AKAP12: variants seen among roughly 807,000 people sequenced by gnomAD.
AKAP12 encodes the protein A-kinase anchor protein 12.
AKAP12 carries 32 observed loss-of-function variants against 79.9 expected under a neutral mutation model. The observed-to-expected ratio is 0.40, with a 90% confidence interval of 0.30 to 0.54. The LOEUF is 0.54. Ranked by LOEUF, AKAP12 falls within the 20% of genes least tolerant of loss-of-function variation. The probability of loss-of-function intolerance (pLI) is 0.48; values close to 1 mark genes in which losing one functional copy is unlikely to be tolerated. For synonymous variants in AKAP12, 808 were observed against 857.0 expected, an observed-to-expected ratio of 0.94 and a Z score of 1.00; for missense variants, 2,074 against 2,177.0, an observed-to-expected ratio of 0.95 and a Z score of 0.94.
chr6:151,241,200 G>A (rs906618473), intron 2 of AKAP12, among the ~76,000 whole-genome samples: 14 of 152,212 alleles, frequency 9.2e-5, no homozygotes, highest in African/African-American at 3.4e-4. Flanking sequence ...CGGGTTCCCC[G>A]TCGCGTACCG....
At chr6:151,283,722 A>G (rs1193017201) in intron 2 of AKAP12, among the ~76,000 whole-genome samples, 3 of 152,254 alleles carry the variant, frequency 2.0e-5, no homozygotes, top group Non-Finnish European at 4.4e-5. Context: ...GACAGAATTC[A>G]GTATAAAGAC....
intron 3 of AKAP12, among the ~76,000 whole-genome samples, chr6:151,313,062 C>T (rs1354659537): frequency 6.6e-6 from 1 of 152,156 alleles, no homozygotes; most frequent in African/African-American, 2.4e-5. Context: ...AATTCATTTC[C>T]TGCTTAAAGA....
chr6:151,336,911 T>C (rs1251544736), intron 3 of AKAP12, among the ~76,000 whole-genome samples: 3 of 152,180 alleles, frequency 2.0e-5, no homozygotes, highest in Non-Finnish European at 4.4e-5. Flanking sequence ...AAGGACCCGG[T>C]GCTAGTAAGT....
In AKAP12 at chr6:151,352,937, G is replaced by C; in HGVS notation, c.4546G>C (p.Asp1516His). The C allele has an allele frequency of 6.2e-7, 1 of 1,613,180 alleles. No homozygotes were observed. Residue 1516 changes from aspartate to histidine, a missense_variant, in exon 4 of 5, where the codon GAT becomes CAT. Physicochemically the swap from Asp to His is moderately conservative, Grantham distance 81. Transcript: ENST00000402676. ...TSLKWKSDEV[D>H]EQVACQEVKV... Reference sequence around the variant, plus strand: ...ACTGAAGTGGAAGTCAGATGAAGTCGATGAGCAGGTTGCTTGCCAGGAGGT... The same window carrying C: ...ACTGAAGTGGAAGTCAGATGAAGTCCATGAGCAGGTTGCTTGCCAGGAGGT...
intron 2 of AKAP12, 100 bp from the exon 3 acceptor site, chr6:151,305,647 T>C: frequency 8.3e-7 from 1 of 1,210,298 alleles, no homozygotes; most frequent in Non-Finnish European, 1.2e-6. Context: ...TTTCTCTGTA[T>C]TTCTTCTTTC....
At chr6:151,322,181 C>T (rs780229787) in intron 3 of AKAP12, among the ~76,000 whole-genome samples, 2 of 151,922 alleles carry the variant, frequency 1.3e-5, no homozygotes, top group African/African-American at 2.4e-5. Context: ...GTGCTGGGAT[C>T]ACAGGTGTGA....
In AKAP12 at chr6:151,343,995, A is replaced by G. The variant is rs143677885; in HGVS notation, c.320-4716A>G. The G allele has an allele frequency of 1.6e-3, 703 of 433,250 alleles. 4 individuals carry two copies. Among genetic ancestry groups the G allele is most frequent in the African/African-American group, 0.01 (481 of 46,804 alleles). The allele number at this position is 433,250 out of a possible 1,614,324, so 26.8% of individuals were successfully genotyped here. ...AATGTAGAAGTAGTTTAAATCGTCGATGTCTGGACTTTCTCTTTGAATATT... is the reference window on the plus strand; with the variant it reads ...AATGTAGAAGTAGTTTAAATCGTCGGTGTCTGGACTTTCTCTTTGAATATT... On this transcript the variant is annotated intron_variant, in intron 3 of 4. Transcript: ENST00000402676.
intron 3 of AKAP12, among the ~76,000 whole-genome samples, chr6:151,340,377 A>G (rs1369393876): frequency 6.6e-6 from 1 of 152,026 alleles, no homozygotes. Flanking sequence ...CTGTGTGCAG[A>G]TGTTTTGTGT....
intron 3 of AKAP12, among the ~76,000 whole-genome samples, chr6:151,320,244 C>T (rs981714030): frequency 2.5e-4 from 38 of 151,928 alleles, no homozygotes; most frequent in African/African-American, 8.5e-4. Context: ...CTGCCCACTC[C>T]GAGGCCTCTC....
At chr6:151,259,000 ATGTG>A (rs748890652) in intron 2 of AKAP12, among the ~76,000 whole-genome samples, 24 of 150,574 alleles carry the variant, frequency 1.6e-4, no homozygotes, top group Admixed American at 1.3e-4. Flanking sequence ...GTATCTATAT[ATGTG>A]TGTGTGTATA....
Position 151,345,791 on chromosome 6 carries a change from TA to T in AKAP12, c.320-2906del, listed in dbSNP as rs543919392. ...TGGGTGACAGAGTGAGACTCTGTCT[TA>T]AAAAAAAAAAAAAGAAAAGAAAAAA... On this transcript the variant is annotated intron_variant, in intron 3 of 4. Coordinates refer to ENST00000402676, the MANE Select transcript of AKAP12 (RefSeq NM_005100.4). Among the ~76,000 whole-genome samples, 954 of 128,692 alleles carry T rather than the reference TA, an allele frequency of 7.4e-3. 13 individuals are homozygous for T. In the East Asian group the frequency reaches 0.079, roughly 11 times the overall value. The allele number at this position is 128,692 out of a possible 152,430, so 84.4% of individuals were successfully genotyped here.
chr6:151,269,541 GCATTGTAGTTC>G (rs144135316), intron 2 of AKAP12, among the ~76,000 whole-genome samples: 8,808 of 152,174 alleles, frequency 0.058, 309 homozygotes, highest in African/African-American at 0.094. Flanking sequence ...AACTCAAGAG[GCATTGTAGTTC>G]CATTGTAGTT....
chr6:151,333,033 A>G (rs1227039867), intron 3 of AKAP12, among the ~76,000 whole-genome samples: 2 of 152,236 alleles, frequency 1.3e-5, no homozygotes, highest in African/African-American at 4.8e-5. Context: ...AGGGGCACCA[A>G]AAAGTACATC....
At chr6:151,289,217 A>ACAC (rs1776565854) in intron 2 of AKAP12, among the ~76,000 whole-genome samples, 1 of 152,172 alleles carries the variant, frequency 6.6e-6, no homozygotes, top group Non-Finnish European at 1.5e-5. Context: ...GACAGAACCA[A>ACAC]CACCAGCCAG....
chr6:151,344,953 A>G (rs1259521764), intron 3 of AKAP12, among the ~76,000 whole-genome samples: 1 of 152,244 alleles, frequency 6.6e-6, no homozygotes, highest in African/African-American at 2.4e-5. Flanking sequence ...AATTGTTTTC[A>G]GAGTAATAAG....
chr6:151,353,099 G>T lies in AKAP12; in HGVS notation c.4708G>T (p.Glu1570Ter), dbSNP rs1432203514. 1 of 1,614,072 alleles carries T rather than the reference G, an allele frequency of 6.2e-7. No homozygotes were observed. Residue 1570 changes from glutamate (E) to a stop codon, truncating the protein, a stop_gained, in exon 4 of 5, where the codon GAA becomes TAA. Coordinates refer to ENST00000402676, the MANE Select transcript of AKAP12 (RefSeq NM_005100.4). LOFTEE classifies it low-confidence loss of function (END_TRUNC). Reference protein sequence around the residue: ...QFVRTEETATEMLTSELQTQA... With the variant: ...QFVRTEETAT ...TGTACGTACAGAAGAAACAGCCACCGAAATGTTGACGTCTGAGTTACAGAC... is the reference window on the plus strand; with the variant it reads ...TGTACGTACAGAAGAAACAGCCACCTAAATGTTGACGTCTGAGTTACAGAC...
intron 2 of AKAP12, among the ~76,000 whole-genome samples, chr6:151,289,002 T>C (rs1396721450): frequency 6.6e-6 from 1 of 152,258 alleles, no homozygotes; most frequent in Non-Finnish European, 1.5e-5. Context: ...GTAAGATCAC[T>C]TATTCAAGCC....
Position 151,346,873 on chromosome 6 carries a change from A to T in AKAP12, c.320-1838A>T, listed in dbSNP as rs143839423. Among the ~76,000 whole-genome samples the T allele has an allele frequency of 1.9e-3, 287 of 152,288 alleles. 1 individual carries two copies. Among genetic ancestry groups the T allele is most frequent in the African/African-American group, 6.7e-3 (278 of 41,564 alleles). On this transcript the variant is annotated intron_variant, in intron 3 of 4. Coordinates refer to ENST00000402676, the MANE Select transcript of AKAP12 (RefSeq NM_005100.4). Reference sequence around the variant, plus strand: ...GACTTTGAGGATCAAAGTGGAAGTTATATCTATATTTATTGACATTTCTTT... The same window carrying T: ...GACTTTGAGGATCAAAGTGGAAGTTTTATCTATATTTATTGACATTTCTTT...
intron 3 of AKAP12, among the ~76,000 whole-genome samples, chr6:151,339,762 C>A (rs558282683): frequency 6.6e-6 from 1 of 152,284 alleles, no homozygotes; most frequent in South Asian, 2.1e-4. Flanking sequence ...CCCCCAACCC[C>A]TGGCAGCCAC....
Sources: allele counts gnomAD v4.1 joint callset (sites outside exome capture counted in the v4.1 genomes callset), GRCh38; gene constraint gnomAD v4.1.1; transcripts MANE v1.5; gene names NCBI Gene and HGNC (gene_info 2026-07-23, HGNC 2026-07-21).